EPHA3: variants seen among roughly 807,000 people sequenced by gnomAD.
EPHA3 encodes ephrin type-A receptor 3.
EPHA3 carries 42 observed loss-of-function variants against 107.1 expected under a neutral mutation model. The observed-to-expected ratio is 0.39, with a 90% CI of 0.31 to 0.51. The LOEUF is 0.51. Among genes scored for constraint, EPHA3 ranks in the 20% least tolerant of loss-of-function variants. The pLI is 0.78. For synonymous variants in EPHA3, 461 were observed against 424.8 expected, an observed-to-expected ratio of 1.09 and a Z score of -1.05; for missense variants, 1,183 against 1,211.2, an observed-to-expected ratio of 0.98 and a Z score of 0.35.
intron 5 of EPHA3, among the ~76,000 whole-genome samples, chr3:89,345,755 A>C (rs1353827910): frequency 3.8e-5 from 5 of 133,106 alleles, no homozygotes; most frequent in Admixed American, 7.6e-5. Flanking sequence ...TCCCAATGCT[A>C]TCTCTCCCCC....
chr3:89,435,931 G>A (rs1288229960), intron 13 of EPHA3, among the ~76,000 whole-genome samples: 1 of 149,832 alleles, frequency 6.7e-6, no homozygotes, highest in Non-Finnish European at 1.5e-5. Context: ...CTAGCCTGGG[G>A]GACAGAGTGA....
rs1709958707 is a variant in EPHA3 at position 89,450,218 on chromosome 3, C to G, written c.2538C>G (p.Pro846=). ...AVDEGYRLPP[P]MDCPAALYQL... ...ATGAGGGCTATCGACTGCCACCCCC[C>G]ATGGACTGCCCAGCTGCCTTGTATC... Residue 846 remains proline, a synonymous_variant, in exon 15 of 17, where the codon CCC becomes CCG. Coordinates refer to ENST00000336596, the MANE Select transcript of EPHA3 (RefSeq NM_005233.6). The G allele has an allele frequency of 6.2e-7, 1 of 1,612,958 alleles. No homozygotes were observed. Among genetic ancestry groups the G allele is most frequent in the Non-Finnish European group, 8.5e-7 (1 of 1,179,452 alleles).
intron 5 of EPHA3, among the ~76,000 whole-genome samples, chr3:89,351,925 CAA>C (rs71621543): frequency 2.7e-4 from 23 of 83,966 alleles, no homozygotes; most frequent in Admixed American, 5.4e-4. Context: ...AAGGCAGATG[CAA>C]AAAAAAAAAA....
Position 89,399,948 on chromosome 3 carries a change from A to G in EPHA3, c.1594+468A>G, listed in dbSNP as rs1212827743. ...AGGATTTTCTAAAATGTGTTTTATC[A>G]CTTCATTCACATTCAGAAGTAATTT... On this transcript the variant is annotated intron_variant, in intron 7 of 16. Transcript: ENST00000336596. 2.9e-6 allele frequency: 3 copies of G among 1,050,032 alleles called. No individual in the cohort carries two copies. The East Asian group carries it at 1.7e-4, about 58-fold the overall frequency. 65.0% of individuals were successfully genotyped at this position (1,050,032 alleles called of 1,614,324 possible).
intron 5 of EPHA3, among the ~76,000 whole-genome samples, chr3:89,347,416 G>A (rs1219012264): frequency 6.7e-6 from 1 of 149,856 alleles, no homozygotes; most frequent in Non-Finnish European, 1.5e-5. Context: ...TTGGCTGTTT[G>A]TCTGTTGTTG....
At chr3:89,241,529 T>G (rs1383033004) in intron 3 of EPHA3, among the ~76,000 whole-genome samples, 1 of 152,222 alleles carries the variant, frequency 6.6e-6, no homozygotes, top group Non-Finnish European at 1.5e-5. Context: ...TGCTTATTAA[T>G]TCCACTACCA....
chr3:89,373,336 T>A (rs1314884330), intron 5 of EPHA3, among the ~76,000 whole-genome samples: 1 of 151,886 alleles, frequency 6.6e-6, no homozygotes, highest in Non-Finnish European at 1.5e-5. Context: ...TTAGGCAAGA[T>A]AACAACCTTT....
intron 2 of EPHA3, among the ~76,000 whole-genome samples, chr3:89,168,877 CA>C (rs1362744411): frequency 1.3e-5 from 2 of 151,952 alleles, no homozygotes; most frequent in African/African-American, 4.8e-5. Flanking sequence ...GGTACACCAT[CA>C]AAAAATAAAA....
intron 2 of EPHA3, among the ~76,000 whole-genome samples, chr3:89,167,232 A>C (rs1051437127): frequency 6.6e-6 from 1 of 152,204 alleles, no homozygotes; most frequent in Admixed American, 6.5e-5. Context: ...ATTACATCAC[A>C]GAGTTTTTAT....
chr3:89,232,683 G>A (rs1459337852), intron 3 of EPHA3, among the ~76,000 whole-genome samples: 1 of 152,106 alleles, frequency 6.6e-6, no homozygotes, highest in East Asian at 1.9e-4. Context: ...AATAATGAAA[G>A]GCAATTAATT....
intron 3 of EPHA3, among the ~76,000 whole-genome samples, chr3:89,302,909 T>C (rs1003567149): frequency 2.6e-5 from 4 of 152,166 alleles, no homozygotes; most frequent in Admixed American, 2.6e-4. Context: ...TTTAATTTTT[T>C]TGAGACAGGG....
chr3:89,431,036 A>C (rs1175868538), intron 12 of EPHA3, 114 bp from the exon 13 acceptor site: 2 of 1,053,998 alleles, frequency 1.9e-6, no homozygotes, highest in Non-Finnish European at 1.4e-6. Context: ...CTTAGGACTA[A>C]AGTGTGTATA....
intron 3 of EPHA3, among the ~76,000 whole-genome samples, chr3:89,275,815 G>A (rs1366469943): frequency 6.6e-6 from 1 of 151,976 alleles, no homozygotes; most frequent in African/African-American, 2.4e-5. Flanking sequence ...ATTTATTGAA[G>A]GCATACTAAA....
At chr3:89,157,777 C>A (rs964607262) in intron 2 of EPHA3, among the ~76,000 whole-genome samples, 1 of 149,874 alleles carries the variant, frequency 6.7e-6, no homozygotes, top group African/African-American at 2.5e-5. Flanking sequence ...TAAAAGAGAA[C>A]AAATCATCCT....
intron 11 of EPHA3, among the ~76,000 whole-genome samples, chr3:89,422,114 A>G (rs1204176424): frequency 6.6e-6 from 1 of 150,974 alleles, no homozygotes; most frequent in Non-Finnish European, 1.5e-5. Context: ...TGGCATATTT[A>G]TAAGCTCTTA....
At chr3:89,263,106 C>T (rs975782968) in intron 3 of EPHA3, among the ~76,000 whole-genome samples, 3 of 150,512 alleles carry the variant, frequency 2.0e-5, no homozygotes, top group African/African-American at 7.3e-5. Flanking sequence ...TTAGGTATTT[C>T]TCCTAATGCT....
chr3:89,228,771 A>G (rs1377290081), intron 3 of EPHA3, among the ~76,000 whole-genome samples: 1 of 151,902 alleles, frequency 6.6e-6, no homozygotes, highest in Non-Finnish European at 1.5e-5. Flanking sequence ...GGAAACATAC[A>G]CTTGATATTG....
At chr3:89,391,005 C>T (rs1432455288) in intron 5 of EPHA3, among the ~76,000 whole-genome samples, 1 of 151,820 alleles carries the variant, frequency 6.6e-6, no homozygotes, top group African/African-American at 2.4e-5. Flanking sequence ...AGGCTGGTCT[C>T]GAACTCCTGA....
chr3:89,293,514 T>G (rs183738999), intron 3 of EPHA3, among the ~76,000 whole-genome samples: 1 of 152,264 alleles, frequency 6.6e-6, no homozygotes, highest in East Asian at 1.9e-4. Context: ...TGTATCTGTG[T>G]CCCCACTCAA....
Sources: allele counts gnomAD v4.1 joint callset (sites outside exome capture counted in the v4.1 genomes callset), GRCh38; gene constraint gnomAD v4.1.1; transcripts MANE v1.5; gene names NCBI Gene and HGNC (gene_info 2026-07-23, HGNC 2026-07-21).